Variants in HECW1 observed in about 807,000 individuals in gnomAD.
HECW1 encodes the protein HECT, C2 and WW domain containing E3 ubiquitin protein ligase 1.
Under a neutral mutation model 182.3 loss-of-function variants are expected in HECW1, and 61 were observed. The observed-to-expected ratio is 0.33, with a 90% CI of 0.27 to 0.41. The LOEUF is 0.41. Among genes scored for constraint, HECW1 ranks in the 10% least tolerant of loss-of-function variants. The probability of loss-of-function intolerance (pLI) is 1.00; values close to 1 mark genes in which losing one functional copy is unlikely to be tolerated. For missense variants in HECW1, 1,739 were observed against 2,108.9 expected (o/e 0.82, Z 3.44); for synonymous variants, 859 against 832.6 (o/e 1.03, Z -0.55).
At chr7:43,383,876 T>C (rs1467617867) in intron 6 of HECW1, among the ~76,000 whole-genome samples, 2 of 152,194 alleles carry the variant, frequency 1.3e-5, no homozygotes, top group Non-Finnish European at 2.9e-5. Flanking sequence ...TATACCATAT[T>C]CTTACAATAA....
At chr7:43,282,188 T>C (rs1394162814) in intron 3 of HECW1, among the ~76,000 whole-genome samples, 1 of 152,262 alleles carries the variant, frequency 6.6e-6, no homozygotes, top group African/African-American at 2.4e-5. Context: ...GGGTCACTTA[T>C]GTCCCTCCAG....
intron 24 of HECW1, among the ~76,000 whole-genome samples, chr7:43,516,681 C>T (rs1032025559): frequency 1.3e-5 from 2 of 152,316 alleles, no homozygotes; most frequent in African/African-American, 4.8e-5. Flanking sequence ...TAAGTACAGT[C>T]ATGTGTCAGT....
intron 6 of HECW1, among the ~76,000 whole-genome samples, chr7:43,386,605 C>A (rs2074808619): frequency 6.6e-6 from 1 of 152,188 alleles, no homozygotes; most frequent in Admixed American, 6.5e-5. Flanking sequence ...GTTCCTGCCC[C>A]CCCTGCATGT....
intron 5 of HECW1, among the ~76,000 whole-genome samples, chr7:43,328,731 A>G (rs1210367088): frequency 6.6e-6 from 1 of 152,226 alleles, no homozygotes. Flanking sequence ...GGAACATTCC[A>G]TTCAGATTCG....
chr7:43,287,658 G>T (rs1804832775), intron 3 of HECW1, among the ~76,000 whole-genome samples: 1 of 152,128 alleles, frequency 6.6e-6, no homozygotes, highest in East Asian at 1.9e-4. Flanking sequence ...TTTTTTAAAG[G>T]TTTCTCTGGC....
intron 3 of HECW1, among the ~76,000 whole-genome samples, chr7:43,264,572 G>A (rs369443108): frequency 9.5e-4 from 144 of 152,148 alleles, no homozygotes; most frequent in Middle Eastern, 3.4e-3. Context: ...TCAGCCAGGC[G>A]CGGTGGCTCA....
chr7:43,170,992 C>T (rs1791628395), intron 2 of HECW1, among the ~76,000 whole-genome samples: 1 of 152,166 alleles, frequency 6.6e-6, no homozygotes, highest in South Asian at 2.1e-4. Context: ...GAAAGTGACA[C>T]TGTTGTGGAT....
At chr7:43,467,855 G>A (rs1289895421) in intron 15 of HECW1, among the ~76,000 whole-genome samples, 1 of 152,174 alleles carries the variant, frequency 6.6e-6, no homozygotes, top group Non-Finnish European at 1.5e-5. Flanking sequence ...AGTTTGACTG[G>A]GTGATGGAGG....
At chr7:43,415,318 G>T (rs1242195872) in intron 8 of HECW1, among the ~76,000 whole-genome samples, 2 of 144,360 alleles carry the variant, frequency 1.4e-5, no homozygotes, top group African/African-American at 5.2e-5. Context: ...GAAATTCTGG[G>T]TTGAAAATTC....
intron 11 of HECW1, 69 bp from the exon 12 acceptor site, chr7:43,450,759 G>C: frequency 3.0e-6 from 3 of 985,284 alleles, no homozygotes; most frequent in Non-Finnish European, 4.9e-6. Flanking sequence ...TAGTTTTACA[G>C]TCATGCTTTT....
At chr7:43,450,778 G>A in intron 11 of HECW1, 50 bp from the exon 12 acceptor site, 2 of 1,167,848 alleles carry the variant, frequency 1.7e-6, no homozygotes, top group Non-Finnish European at 2.6e-6. Context: ...TTTTGATGAT[G>A]TTGCCACGGC....
At chr7:43,522,937 T>A (rs2080564248) in intron 24 of HECW1, 2 of 350,928 alleles carry the variant, frequency 5.7e-6, no homozygotes, top group Non-Finnish European at 1.2e-5. Context: ...GTGGGGATGT[T>A]ATTGCTGGCA....
At chr7:43,377,640 A>AT (rs200626702) in intron 6 of HECW1, 8 of 200,998 alleles carry the variant, frequency 4.0e-5, no homozygotes, top group East Asian at 1.5e-4. Flanking sequence ...CAGAAATAAC[A>AT]TTTTTTTTCT....
At chr7:43,222,479 A>G (rs1319677597) in intron 2 of HECW1, among the ~76,000 whole-genome samples, 2 of 152,082 alleles carry the variant, frequency 1.3e-5, no homozygotes, top group African/African-American at 2.4e-5. Context: ...CAAAATGTTG[A>G]CTCTGAAGAG....
At chr7:43,428,733 C>T (rs1243299864) in intron 8 of HECW1, among the ~76,000 whole-genome samples, 3 of 152,190 alleles carry the variant, frequency 2.0e-5, no homozygotes, top group Non-Finnish European at 2.9e-5. Context: ...TTTCTTCCTT[C>T]TGTGTTCTGG....
intron 2 of HECW1, chr7:43,150,981 G>GCTCCTACCTGGACAGGCCTCCAGCTAA (rs1789257502): frequency 6.5e-6 from 1 of 154,964 alleles, no homozygotes; most frequent in African/African-American, 2.4e-5. Context: ...GCCACGGCTG[G>GCTCCTACCTGGACAGGCCTCCAGCTAA]CTCCTACCTG....
At chr7:43,245,644 C>G (rs1352447955) in intron 3 of HECW1, 3 of 152,220 alleles carry the variant, frequency 2.0e-5, no homozygotes, top group Non-Finnish European at 4.4e-5. Flanking sequence ...ATCCAGGAAA[C>G]AGAAGGCCAA....
At chr7:43,421,970 C>A (rs2076198343) in intron 8 of HECW1, among the ~76,000 whole-genome samples, 1 of 152,136 alleles carries the variant, frequency 6.6e-6, no homozygotes, top group African/African-American at 2.4e-5. Context: ...TTGCTTTTGT[C>A]TTCTGGTCTC....
At chr7:43,179,561 TTG>T (rs1491339702) in intron 2 of HECW1, among the ~76,000 whole-genome samples, 490 of 141,950 alleles carry the variant, frequency 3.5e-3, no homozygotes, top group African/African-American at 0.012. Flanking sequence ...AAGTTTGTTG[TTG>T]TTGTTGTTGT....
Sources: gnomAD v4.1 joint callset for allele counts (sites outside exome capture counted in the v4.1 genomes callset) on GRCh38, gnomAD v4.1.1 for gene constraint, MANE v1.5 for transcripts, NCBI Gene and HGNC (gene_info 2026-07-23, HGNC 2026-07-21) for gene names.